HIVEP3: variants seen among roughly 807,000 people sequenced by gnomAD.
HIVEP3 encodes the protein HIVEP zinc finger 3, also known as transcription factor HIVEP3.
In HIVEP3, 49 loss-of-function variants were observed where a neutral mutation model predicts 152.8. The observed-to-expected ratio is 0.32, with a 90% CI of 0.26 to 0.41. HIVEP3 has a LOEUF of 0.41. HIVEP3 is among the 10% of genes least tolerant of loss of function. The pLI, the probability that HIVEP3 is intolerant of heterozygous loss-of-function variation, is 1.00. For synonymous variants in HIVEP3, 1,269 were observed against 1,289.0 expected (o/e 0.98, Z 0.33); for missense variants, 2,790 against 3,103.3 (o/e 0.90, Z 2.40).
chr1:41,566,947 A>G (rs1344807219), intron 5 of HIVEP3, among the ~76,000 whole-genome samples: 1 of 151,854 alleles, frequency 6.6e-6, no homozygotes, highest in Non-Finnish European at 1.5e-5. Context: ...ATAGCACTAA[A>G]TTGCATCTAT....
chr1:41,598,782 C>T (rs1042094201), intron 3 of HIVEP3, among the ~76,000 whole-genome samples: 3 of 148,862 alleles, frequency 2.0e-5, no homozygotes, highest in Admixed American at 2.0e-4. Context: ...AGGAAACATA[C>T]TCCCACACAT....
At chr1:41,952,899 G>T (rs12404436) in intron 1 of HIVEP3, among the ~76,000 whole-genome samples, 27,546 of 151,960 alleles carry the variant, frequency 0.18, 2,648 homozygotes, top group South Asian at 0.3. Flanking sequence ...TTCTTAGAAG[G>T]TGTCAAGTCA....
chr1:41,575,323 T>C (rs1040181228), intron 5 of HIVEP3, among the ~76,000 whole-genome samples: 8 of 151,986 alleles, frequency 5.3e-5, no homozygotes, highest in African/African-American at 1.9e-4. Flanking sequence ...CCTCAACAAA[T>C]ACCCAGCATC....
At chr1:41,516,181 G>GGCGGCCCCTTCCCCGGGCCCTTGCAGGA (rs11270500) in intron 7 of HIVEP3, among the ~76,000 whole-genome samples, 1 of 151,538 alleles carries the variant, frequency 6.6e-6, no homozygotes, top group East Asian at 1.9e-4. Flanking sequence ...CCCCTGGCTG[G>GGCGGCCCCTTCCCCGGGCCCTTGCAGGA]GCGGCCCCGC....
chr1:41,962,138 C>A (rs1645172957), intron 1 of HIVEP3, among the ~76,000 whole-genome samples: 1 of 152,234 alleles, frequency 6.6e-6, no homozygotes, highest in Non-Finnish European at 1.5e-5. Context: ...TCAAGAGATT[C>A]ACTTAAGCCA....
chr1:41,608,727 C>T (rs770749466), intron 3 of HIVEP3, among the ~76,000 whole-genome samples: 15 of 152,272 alleles, frequency 9.9e-5, no homozygotes, highest in Admixed American at 5.9e-4. Context: ...TTCCGTCCCA[C>T]GGATGACTTC....
At chr1:41,573,753 G>A (rs1644285452) in intron 5 of HIVEP3, among the ~76,000 whole-genome samples, 1 of 152,194 alleles carries the variant, frequency 6.6e-6, no homozygotes, top group Non-Finnish European at 1.5e-5. Context: ...TAAAGAAACT[G>A]AGGGCGGGAG....
intron 1 of HIVEP3, among the ~76,000 whole-genome samples, chr1:41,786,214 T>C (rs1319058370): frequency 1.3e-5 from 2 of 152,226 alleles, no homozygotes; most frequent in Non-Finnish European, 2.9e-5. Flanking sequence ...ACATTAATGA[T>C]ACTTGCATCC....
chr1:41,700,804 T>G (rs1276796989), intron 2 of HIVEP3, 112 bp downstream of exon 2: 1 of 317,772 alleles, frequency 3.1e-6, no homozygotes, highest in African/African-American at 2.3e-5. Context: ...TCCATTCTCC[T>G]GCCCGAGGCT....
intron 1 of HIVEP3, among the ~76,000 whole-genome samples, chr1:41,793,861 C>G (rs1649837257): frequency 6.6e-6 from 1 of 152,174 alleles, no homozygotes; most frequent in Non-Finnish European, 1.5e-5. Flanking sequence ...GGTAATCCAA[C>G]CACTCAGAAA....
intron 2 of HIVEP3, among the ~76,000 whole-genome samples, chr1:41,694,655 A>T (rs540708864): frequency 3.7e-4 from 57 of 152,282 alleles, no homozygotes; most frequent in African/African-American, 1.1e-3. Context: ...ATGCCCCAAC[A>T]CCTGTCCTCA....
chr1:41,611,468 G>A (rs1038791269), intron 3 of HIVEP3, among the ~76,000 whole-genome samples: 2 of 152,184 alleles, frequency 1.3e-5, no homozygotes, highest in African/African-American at 2.4e-5. Flanking sequence ...TCCTCAGAAC[G>A]AGCCTATCAG....
chr1:41,863,444 G>A (rs568314367), intron 1 of HIVEP3, among the ~76,000 whole-genome samples: 1 of 152,248 alleles, frequency 6.6e-6, no homozygotes, highest in Non-Finnish European at 1.5e-5. Context: ...AATAATATAG[G>A]TTCTTGGAAT....
intron 1 of HIVEP3, among the ~76,000 whole-genome samples, chr1:41,996,223 T>G (rs1645394968): frequency 6.6e-6 from 1 of 150,940 alleles, no homozygotes; most frequent in Admixed American, 6.6e-5. Context: ...CAAGACGTTA[T>G]TTCTATTAAA....
chr1:41,783,241 T>C (rs1184121798), intron 1 of HIVEP3, among the ~76,000 whole-genome samples: 2 of 151,980 alleles, frequency 1.3e-5, no homozygotes, highest in East Asian at 3.9e-4. Context: ...GGTGTGGGTG[T>C]TGGGGCCAGG....
chr1:41,865,694 C>G (rs747643304), intron 1 of HIVEP3: 1 of 152,072 alleles, frequency 6.6e-6, no homozygotes, highest in South Asian at 2.1e-4. Flanking sequence ...TTGTGAATTC[C>G]TAGGTAGGTG....
chr1:41,916,150 C>A (rs1466182218), intron 1 of HIVEP3, among the ~76,000 whole-genome samples: 1 of 152,198 alleles, frequency 6.6e-6, no homozygotes, highest in African/African-American at 2.4e-5. Flanking sequence ...GTACCTTTCA[C>A]ACACTAAATG....
intron 1 of HIVEP3, among the ~76,000 whole-genome samples, chr1:41,871,308 G>T (rs1644074733): frequency 6.6e-6 from 1 of 151,546 alleles, no homozygotes; most frequent in South Asian, 2.1e-4. Flanking sequence ...TCTGGGATTT[G>T]ATTTTATACA....
chr1:41,625,896 CTG>C (rs1645110585), intron 3 of HIVEP3, among the ~76,000 whole-genome samples: 1 of 152,042 alleles, frequency 6.6e-6, no homozygotes, highest in Non-Finnish European at 1.5e-5. Context: ...TCATTTTAAC[CTG>C]TTTTATATAT....
Sources: gnomAD v4.1 joint callset for allele counts (sites outside exome capture counted in the v4.1 genomes callset) on GRCh38, gnomAD v4.1.1 for gene constraint, MANE v1.5 for transcripts, NCBI Gene and HGNC (gene_info 2026-07-23, HGNC 2026-07-21) for gene names.